RSRC1: variants seen among roughly 807,000 people sequenced by gnomAD.
The protein encoded by RSRC1 is arginine and serine rich coiled-coil 1, also known as serine/Arginine-related protein 53.
A neutral mutation model predicts 49.1 loss-of-function variants in RSRC1; 39 were observed. The observed-to-expected ratio is 0.79, with a 90% CI of 0.61 to 1.04. The LOEUF (loss-of-function observed/expected upper bound fraction) is 1.04. Among genes scored for constraint, RSRC1 ranks in the 50% least tolerant of loss-of-function variants. The pLI is 0.00. For missense variants in RSRC1, 388 were observed against 402.4 expected (o/e 0.96, Z 0.31); for synonymous variants, 143 against 130.8 (o/e 1.09, Z -0.63).
chr3:158,261,813 T>C (rs1724910263), intron 4 of RSRC1, among the ~76,000 whole-genome samples: 1 of 152,214 alleles, frequency 6.6e-6, no homozygotes. Flanking sequence ...CTGTCTAGTT[T>C]CAGGAAAACA....
rs1230339247 is a variant in RSRC1, at chr3:158,438,765, A to T, written c.584-22170A>T. Reference sequence around the variant, plus strand: ...ATTCAGGACATAGGCATGGGCAAGGACTTCATGTCTAAAACAGCAAAAGCA... The same window carrying T: ...ATTCAGGACATAGGCATGGGCAAGGTCTTCATGTCTAAAACAGCAAAAGCA... On this transcript the variant is annotated intron_variant, in intron 6 of 9. Transcript: ENST00000611884. Among the ~76,000 whole-genome samples, 9 of 152,334 alleles carry T rather than the reference A, an allele frequency of 5.9e-5. No homozygotes were observed. In the East Asian group the frequency reaches 1.7e-3, roughly 29 times the overall value.
chr3:158,197,375 A>G (rs1025103731), intron 3 of RSRC1, among the ~76,000 whole-genome samples: 22 of 151,968 alleles, frequency 1.4e-4, no homozygotes, highest in African/African-American at 4.6e-4. Flanking sequence ...TATTGCGTCT[A>G]TTGGATTCTT....
At chr3:158,118,870 C>T (rs184865700) in intron 1 of RSRC1, among the ~76,000 whole-genome samples, 133 of 152,240 alleles carry the variant, frequency 8.7e-4, no homozygotes, top group Non-Finnish European at 1.5e-3. Context: ...CCCTCAAATG[C>T]TTATATATCT....
At chr3:158,269,635 C>T (rs550546514) in intron 4 of RSRC1, among the ~76,000 whole-genome samples, 9 of 152,092 alleles carry the variant, frequency 5.9e-5, no homozygotes, top group African/African-American at 2.2e-4. Flanking sequence ...GCCTCAGCCT[C>T]CCGAGTAGCT....
chr3:158,297,956 G>T (rs939021683), intron 4 of RSRC1, 83 bp from the exon 5 acceptor site: 1 of 978,416 alleles, frequency 1.0e-6, no homozygotes, highest in African/African-American at 1.6e-5. Flanking sequence ...AATTACAAGG[G>T]TTTATAAAAC....
chr3:158,263,907 G>A (rs1410452879), intron 4 of RSRC1, among the ~76,000 whole-genome samples: 7 of 152,116 alleles, frequency 4.6e-5, no homozygotes, highest in African/African-American at 1.7e-4. Context: ...TCTTATATTA[G>A]TAATTTGTTG....
rs889016864 is a variant in RSRC1 at position 158,253,593 on chromosome 3, G to C, written c.495-44446G>C. ...ATCAATTAGGTCCGTTTCCTGGATA[G>C]TGCACATAAGTTCAAATTTTCTTTG... On this transcript the variant is annotated intron_variant, in intron 4 of 9. Coordinates refer to ENST00000611884, the MANE Select transcript of RSRC1 (RefSeq NM_001271838.2). 5.0e-4 allele frequency among the ~76,000 whole-genome samples: 76 copies of C among 152,158 alleles called. 2 individuals carry two copies. Among genetic ancestry groups the C allele is most frequent in the Non-Finnish European group, 1.2e-4 (8 of 68,006 alleles).
intron 6 of RSRC1, among the ~76,000 whole-genome samples, chr3:158,425,025 A>C (rs1735325834): frequency 6.6e-6 from 1 of 151,148 alleles, no homozygotes; most frequent in Non-Finnish European, 1.5e-5. Flanking sequence ...CCTTTCAAAA[A>C]ACCAGCTCCT....
chr3:158,352,435 A>G (rs766222470), intron 5 of RSRC1, among the ~76,000 whole-genome samples: 1 of 152,158 alleles, frequency 6.6e-6, no homozygotes, highest in Non-Finnish European at 1.5e-5. Context: ...TTGGGTATAC[A>G]TTATTATGTA....
intron 3 of RSRC1, among the ~76,000 whole-genome samples, chr3:158,201,566 A>G (rs1407048640): frequency 6.6e-6 from 1 of 152,152 alleles, no homozygotes; most frequent in African/African-American, 2.4e-5. Context: ...TTAATTCTTC[A>G]TATTGGGTAA....
intron 4 of RSRC1, among the ~76,000 whole-genome samples, chr3:158,295,215 T>TG (rs1727169095): frequency 6.6e-6 from 1 of 151,914 alleles, no homozygotes; most frequent in Non-Finnish European, 1.5e-5. Flanking sequence ...TGGATTTTTG[T>TG]TAGATAGGGA....
chr3:158,362,479 G>A (rs1202789226), intron 6 of RSRC1, among the ~76,000 whole-genome samples: 2 of 152,180 alleles, frequency 1.3e-5, no homozygotes, highest in Non-Finnish European at 2.9e-5. Context: ...AGAGGATCTA[G>A]CTGTCTGAAA....
chr3:158,322,770 T>C (rs953319526), intron 5 of RSRC1, among the ~76,000 whole-genome samples: 7 of 152,216 alleles, frequency 4.6e-5, no homozygotes, highest in Non-Finnish European at 8.8e-5. Context: ...GTCCCACAGA[T>C]AGCTAAGGCT....
intron 6 of RSRC1, among the ~76,000 whole-genome samples, chr3:158,421,623 G>GA (rs1162029658): frequency 6.6e-6 from 1 of 151,566 alleles, no homozygotes; most frequent in Admixed American, 6.6e-5. Context: ...GATACAAACA[G>GA]AAAAAATGGG....
chr3:158,464,138 G>A (rs961654894), intron 7 of RSRC1, among the ~76,000 whole-genome samples: 1 of 151,860 alleles, frequency 6.6e-6, no homozygotes, highest in African/African-American at 2.4e-5. Context: ...TTCTCTGTAT[G>A]TGTTTGAAAA....
intron 5 of RSRC1, 100 bp from the exon 6 acceptor site, chr3:158,354,757 C>T: frequency 1.2e-6 from 1 of 829,822 alleles, no homozygotes; most frequent in Non-Finnish European, 1.9e-6. Flanking sequence ...CTTTAAATTT[C>T]CTAATATTTG....
At chr3:158,204,240 GTTTA>G (rs1017384119) in intron 4 of RSRC1, among the ~76,000 whole-genome samples, 5 of 152,034 alleles carry the variant, frequency 3.3e-5, no homozygotes, top group South Asian at 2.1e-4. Context: ...TTGTTTGTGT[GTTTA>G]TTTTTTATTT....
At chr3:158,266,507 G>T (rs529391840) in intron 4 of RSRC1, among the ~76,000 whole-genome samples, 1 of 152,148 alleles carries the variant, frequency 6.6e-6, no homozygotes, top group South Asian at 2.1e-4. Context: ...TCTACACTTG[G>T]TTTACTTGAA....
intron 7 of RSRC1, among the ~76,000 whole-genome samples, chr3:158,501,274 C>A (rs893684396): frequency 3.3e-5 from 5 of 152,070 alleles, no homozygotes; most frequent in African/African-American, 1.2e-4. Context: ...CATTTTATGG[C>A]CTATCTTATG....
Sources: gnomAD v4.1 joint callset for allele counts (sites outside exome capture counted in the v4.1 genomes callset) on GRCh38, gnomAD v4.1.1 for gene constraint, MANE v1.5 for transcripts, NCBI Gene and HGNC (gene_info 2026-07-23, HGNC 2026-07-21) for gene names.